The following FOCAD variants were observed in gnomAD, a reference collection of about 807,000 sequenced individuals.
The protein encoded by FOCAD is focadhesin.
In FOCAD, 198 loss-of-function variants were observed where a neutral mutation model predicts 225.6. The observed-to-expected ratio is 0.88, with a 90% confidence interval of 0.78 to 0.99. The LOEUF (loss-of-function observed/expected upper bound fraction) is 0.99. Ranked by LOEUF, FOCAD falls within the 50% of genes least tolerant of loss-of-function variation. The pLI is 0.00. For synonymous variants in FOCAD, 897 were observed against 755.0 expected (o/e 1.19, Z -3.08); for missense variants, 2,713 against 2,123.6 (o/e 1.28, Z -5.46).
At position 20,862,596 on chromosome 9, in the gene FOCAD, A is replaced by T. The variant is rs749912265; in HGVS notation, c.1939A>T (p.Thr647Ser). Residue 647 changes from threonine to serine, a missense_variant, in exon 16 of 44, where the codon ACT becomes TCT. Transcript: ENST00000338382. ...TTCACAGGTTGTTTGCATTCGCTCC[A>T]CTTGGAATGCTCTCTCTCCAAAGCT... ...CQAEVVCIRSTWNALSPKLSC... is the reference protein window; with the variant it reads ...CQAEVVCIRSSWNALSPKLSC... 3 of 1,613,362 alleles carry T rather than the reference A, an allele frequency of 1.9e-6. No homozygotes were observed. Among genetic ancestry groups the T allele is most frequent in the Non-Finnish European group, 1.7e-6 (2 of 1,179,566 alleles).
intron 15 of FOCAD, among the ~76,000 whole-genome samples, chr9:20,832,092 T>C: frequency 6.6e-6 from 1 of 151,958 alleles, no homozygotes; most frequent in East Asian, 1.9e-4. Flanking sequence ...TTGATGAACA[T>C]TTGGCTTTTT....
chr9:20,981,765 G>A (rs896072611), intron 38 of FOCAD, 79 bp downstream of exon 38: 36 of 1,486,194 alleles, frequency 2.4e-5, no homozygotes, highest in Admixed American at 2.3e-4. Context: ...GTGGGGAGGT[G>A]TATGTTTTAA....
intron 18 of FOCAD, among the ~76,000 whole-genome samples, chr9:20,868,428 A>AT (rs967498651): frequency 1.3e-5 from 2 of 151,704 alleles, no homozygotes; most frequent in Non-Finnish European, 2.9e-5. Flanking sequence ...ACATGCTTAT[A>AT]TTTTTTTTCT....
intron 10 of FOCAD, among the ~76,000 whole-genome samples, chr9:20,787,841 C>T (rs941157992): frequency 3.7e-4 from 57 of 152,146 alleles, no homozygotes; most frequent in African/African-American, 1.3e-3. Context: ...TGGTAGCACT[C>T]GAGTCATACT....
At chr9:20,906,753 G>A (rs1564135937) in intron 21 of FOCAD, among the ~76,000 whole-genome samples, 1 of 152,020 alleles carries the variant, frequency 6.6e-6, no homozygotes, top group Non-Finnish European at 1.5e-5. Flanking sequence ...GGAAATCCAG[G>A]ATATGAGCAA....
At chr9:20,987,131 G>A (rs191856312) in intron 40 of FOCAD, among the ~76,000 whole-genome samples, 3 of 152,280 alleles carry the variant, frequency 2.0e-5, no homozygotes, top group African/African-American at 4.8e-5. Context: ...AAGCTTGTGC[G>A]ACTCTGGACA....
chr9:20,967,797 A>G (rs1318930004), intron 35 of FOCAD, among the ~76,000 whole-genome samples: 1 of 152,086 alleles, frequency 6.6e-6, no homozygotes, highest in African/African-American at 2.4e-5. Context: ...CTTATGTTGA[A>G]CAAACTTTGC....
chr9:20,749,626 A>G (rs187515095), intron 5 of FOCAD, among the ~76,000 whole-genome samples: 61 of 152,304 alleles, frequency 4.0e-4, no homozygotes, highest in Admixed American at 6.5e-4. Flanking sequence ...AGTAAGTGCT[A>G]TGCTATGCTT....
intron 22 of FOCAD, among the ~76,000 whole-genome samples, chr9:20,908,725 T>C (rs553104810): frequency 2.5e-4 from 38 of 152,264 alleles, no homozygotes; most frequent in African/African-American, 8.9e-4. Context: ...TCTATATTTC[T>C]TTAAGAGCCA....
chr9:20,873,156 T>C (rs561565921), intron 18 of FOCAD, among the ~76,000 whole-genome samples: 2 of 152,302 alleles, frequency 1.3e-5, no homozygotes, highest in African/African-American at 4.8e-5. Flanking sequence ...TGCATGATCA[T>C]ATATTTTCAT....
intron 10 of FOCAD, among the ~76,000 whole-genome samples, chr9:20,784,123 G>T (rs1819672517): frequency 6.6e-6 from 1 of 152,176 alleles, no homozygotes; most frequent in Non-Finnish European, 1.5e-5. Flanking sequence ...GATATAGTCT[G>T]CTGGGGTGCC....
intron 19 of FOCAD, among the ~76,000 whole-genome samples, chr9:20,880,023 G>C (rs1435806391): frequency 2.0e-5 from 3 of 152,150 alleles, no homozygotes; most frequent in Non-Finnish European, 4.4e-5. Context: ...ATTCTGTAAA[G>C]TCTATAATTA....
At chr9:20,934,238 T>C (rs1275100807) in intron 28 of FOCAD, among the ~76,000 whole-genome samples, 1 of 152,180 alleles carries the variant, frequency 6.6e-6, no homozygotes, top group Admixed American at 6.5e-5. Flanking sequence ...TTTATCGTTT[T>C]TAACTGCATT....
intron 4 of FOCAD, among the ~76,000 whole-genome samples, chr9:20,721,468 G>C (rs190421210): frequency 3.0e-4 from 46 of 152,186 alleles, no homozygotes; most frequent in Middle Eastern, 3.4e-3. Flanking sequence ...TTGGGAGGCT[G>C]AGGCGGGCGG....
intron 2 of FOCAD, among the ~76,000 whole-genome samples, chr9:20,663,819 A>G (rs1268974527): frequency 1.3e-5 from 2 of 152,204 alleles, no homozygotes; most frequent in African/African-American, 4.8e-5. Flanking sequence ...AAACCATCTC[A>G]AGTATCCTTA....
chr9:20,874,666 C>A lies in FOCAD; in HGVS notation c.2191-15C>A. ...ATTATTATCCTCTCTATGATCTTTTCGCTTATCATTTCAGATAAGACCAGA... is the reference window on the plus strand; with the variant it reads ...ATTATTATCCTCTCTATGATCTTTTAGCTTATCATTTCAGATAAGACCAGA... On this transcript the variant is annotated splice_polypyrimidine_tract_variant and intron_variant, in intron 18 of 43. Transcript: ENST00000338382. The A allele has an allele frequency of 6.2e-7, 1 of 1,610,610 alleles. No homozygotes were observed. Among genetic ancestry groups the A allele is most frequent in the Non-Finnish European group, 8.5e-7 (1 of 1,178,314 alleles).
chr9:20,907,295 G>GTT, intron 22 of FOCAD, 53 bp downstream of exon 22: 3 of 1,417,198 alleles, frequency 2.1e-6, no homozygotes, highest in Non-Finnish European at 3.0e-6. Context: ...CTTATCTCAT[G>GTT]TTTTGCTACA....
chr9:20,929,726 A>G, intron 27 of FOCAD, 130 bp downstream of exon 27: 1 of 680,000 alleles, frequency 1.5e-6, no homozygotes, highest in Non-Finnish European at 2.5e-6. Flanking sequence ...TGAGATGGGC[A>G]AGTTGATCCT....
chr9:20,666,256 A>G (rs924289773), intron 2 of FOCAD, among the ~76,000 whole-genome samples: 5 of 152,202 alleles, frequency 3.3e-5, no homozygotes, highest in Non-Finnish European at 5.9e-5. Flanking sequence ...TGAAGACCAT[A>G]AATATTACAT....
Sources: allele counts gnomAD v4.1 joint callset (sites outside exome capture counted in the v4.1 genomes callset), GRCh38; gene constraint gnomAD v4.1.1; transcripts MANE v1.5; gene names NCBI Gene and HGNC (gene_info 2026-07-23, HGNC 2026-07-21).